The following OLFM1 variants were observed in gnomAD, a reference collection of about 807,000 sequenced individuals.
OLFM1 encodes noelin.
OLFM1 carries 9 observed loss-of-function variants against 49.7 expected under a neutral mutation model. The ratio of observed to expected loss-of-function variants is 0.18; its 90% CI spans 0.11 to 0.32. The LOEUF (loss-of-function observed/expected upper bound fraction) is 0.32. OLFM1 is among the 10% of genes least tolerant of loss of function. The probability of loss-of-function intolerance (pLI) is 1.00; values close to 1 mark genes in which losing one functional copy is unlikely to be tolerated. For missense variants in OLFM1, 369 were observed against 661.8 expected (o/e 0.56, Z 4.85); for synonymous variants, 240 against 271.8 (o/e 0.88, Z 1.15).
At chr9:135,084,560 G>C (rs1830574543), upstream of OLFM1, among the ~76,000 whole-genome samples, 1 of 149,326 alleles carries the variant, frequency 6.7e-6, no homozygotes, top group African/African-American at 2.5e-5. The surrounding 1 kb of genome is among the most constrained non-coding windows in gnomAD (Gnocchi z 4.6). Context: ...TCTCCTCTCT[G>C]TTTCTTTGTC....
rs1036651254 is a variant in OLFM1 at position 135,098,735 on chromosome 9, G to A, written c.676+230G>A. On this transcript the variant is annotated intron_variant, in intron 4 of 5. Transcript: ENST00000371793. The surrounding 1 kb of genome is among the most constrained non-coding windows in gnomAD (Gnocchi z 5.6). ...GTCTTGTGCAGAGGCCACAGACCCCGCTGAGTCGCACATCTGGAAAAAAAT... is the reference window on the plus strand; with the variant it reads ...GTCTTGTGCAGAGGCCACAGACCCCACTGAGTCGCACATCTGGAAAAAAAT... 3.3e-5 allele frequency among the ~76,000 whole-genome samples: 5 copies of A among 152,056 alleles called. No homozygotes were observed. Among genetic ancestry groups the A allele is most frequent in the African/African-American group, 4.8e-5 (2 of 41,390 alleles).
chr9:135,095,814 G>C lies in OLFM1; in HGVS notation c.301-50G>C, dbSNP rs150666902. 9.1e-3 allele frequency: 14,535 copies of C among 1,599,742 alleles called. 109 individuals are homozygous for C. The highest frequency in any genetic ancestry group is 0.024 in the East Asian group (1,073 of 44,734). On this transcript the variant is annotated intron_variant, in intron 2 of 5. Transcript: ENST00000371793. ...TCTGTACGAGCAGGCAGAGAAGATT[G>C]CCTGGCACCTACTGCGGCTGTTTTG... is the stretch of plus-strand genomic sequence containing the variant.
chr9:135,091,611 A>ACACAGTCACACACACT (rs1180500652), intron 2 of OLFM1, among the ~76,000 whole-genome samples: 1 of 142,602 alleles, frequency 7.0e-6, no homozygotes, highest in Admixed American at 6.9e-5. Flanking sequence ...ACACATAGTC[A>ACACAGTCACACACACT]CACAGTCACA....
intron 1 of OLFM1, chr9:135,076,101 C>A: frequency 1.3e-6 from 2 of 1,538,740 alleles, no homozygotes; most frequent in African/African-American, 1.4e-5. Context: ...CAAAGGGCAG[C>A]ACGAGGGGGT....
At position 135,076,289 on chromosome 9, in the gene OLFM1, G is replaced by C. The variant is rs574900887; in HGVS notation, c.96+487G>C. On this transcript the variant is annotated intron_variant, in intron 1 of 5. Coordinates refer to the OLFM1 transcript ENST00000252854. ...GCTCCAGAAACAGGCGGTGGGGATT[G>C]TGCCGCTGAGACCTGGAAGGGCAGC... is the stretch of plus-strand genomic sequence containing the variant. 5.0e-4 allele frequency: 769 copies of C among 1,550,488 alleles called. 19 individuals are homozygous for C. In the South Asian group the frequency reaches 8.3e-3, roughly 17 times the overall value.
intron 2 of OLFM1, among the ~76,000 whole-genome samples, chr9:135,090,808 G>T (rs146402894): frequency 1.3e-5 from 2 of 152,162 alleles, no homozygotes; most frequent in African/African-American, 4.8e-5. Flanking sequence ...TGGATTTTAC[G>T]AGATGAGATC....
chr9:135,086,880 C>T (rs1830603911), upstream of OLFM1, among the ~76,000 whole-genome samples: 2 of 152,158 alleles, frequency 1.3e-5, no homozygotes, highest in Non-Finnish European at 2.9e-5. Flanking sequence ...CCAGTCCCCG[C>T]CCCACACACC....
At position 135,117,769 on chromosome 9, in the gene OLFM1, C is replaced by A. The variant is rs368384802; in HGVS notation, c.784-1735C>A. 6.6e-6 allele frequency among the ~76,000 whole-genome samples: 1 copy of A among 152,190 alleles called. No homozygotes were observed. Among genetic ancestry groups the A allele is most frequent in the African/African-American group, 2.4e-5 (1 of 41,446 alleles). On this transcript the variant is annotated intron_variant, in intron 5 of 5. Transcript: ENST00000371793. The surrounding 1 kb of genome is among the most constrained non-coding windows in gnomAD (Gnocchi z 5.5). Reference sequence around the variant, plus strand: ...AGCAAGCAGAGGGCAGGATTAGGGGCGAATGGCTGCACGTATACGCCTGTG... The same window carrying A: ...AGCAAGCAGAGGGCAGGATTAGGGGAGAATGGCTGCACGTATACGCCTGTG...
At chr9:135,095,223 G>A (rs187738362) in intron 2 of OLFM1, 16 of 152,318 alleles carry the variant, frequency 1.1e-4, no homozygotes, top group African/African-American at 3.6e-4. Flanking sequence ...GAATGTACAT[G>A]TTTGCAGAGC....
Position 135,103,890 on chromosome 9 carries a change from G to GA in OLFM1, c.677-2858dup, listed in dbSNP as rs960195382. 3.5e-4 allele frequency among the ~76,000 whole-genome samples: 53 copies of GA among 152,220 alleles called. 1 individual carries two copies. The highest frequency in any genetic ancestry group is 1.1e-3 in the African/African-American group (44 of 41,454). On this transcript the variant is annotated intron_variant, in intron 4 of 5. Transcript: ENST00000371793. ...TTATTAGCCCATCTATAGAGAAGGA[G>GA]AGGGAGTACACAGCAGCCCCCAGGG...
At chr9:135,107,020 C>G (rs955509622) in intron 5 of OLFM1, among the ~76,000 whole-genome samples, 165 bp downstream of exon 5, 13 of 151,828 alleles carry the variant, frequency 8.6e-5, no homozygotes, top group African/African-American at 2.9e-4. Flanking sequence ...GGGAGGGACC[C>G]AGGCCTCTAT....
upstream of OLFM1, among the ~76,000 whole-genome samples, chr9:135,083,870 G>A (rs73560280): frequency 1.7e-3 from 255 of 152,324 alleles, 1 homozygote; most frequent in African/African-American, 6.0e-3. Flanking sequence ...GCCCTTAGCC[G>A]TTCTCCCTCC....
At chr9:135,092,268 G>C (rs1830726805) in intron 2 of OLFM1, among the ~76,000 whole-genome samples, 1 of 152,172 alleles carries the variant, frequency 6.6e-6, no homozygotes, top group Non-Finnish European at 1.5e-5. Context: ...AGCTCTGACG[G>C]GCCTTGAAAG....
At chr9:135,079,218 G>A (rs1830503693) in intron 1 of OLFM1, among the ~76,000 whole-genome samples, 1 of 152,196 alleles carries the variant, frequency 6.6e-6, no homozygotes, top group South Asian at 2.1e-4. Context: ...CTGGGTAGGA[G>A]TTGGGGAGTG....
intron 2 of OLFM1, among the ~76,000 whole-genome samples, chr9:135,093,801 G>T (rs972320177): frequency 1.3e-5 from 2 of 152,238 alleles, no homozygotes; most frequent in Non-Finnish European, 2.9e-5. Flanking sequence ...GTCCTAGACT[G>T]ACTGTGAGCT....
At chr9:135,105,488 C>T (rs1588216267) in intron 4 of OLFM1, among the ~76,000 whole-genome samples, 1 of 152,358 alleles carries the variant, frequency 6.6e-6, no homozygotes, top group East Asian at 1.9e-4. Context: ...TAACAGGCCA[C>T]TTCCAGTTGG....
chr9:135,114,516 C>T (rs143564303), intron 5 of OLFM1, among the ~76,000 whole-genome samples: 1 of 152,062 alleles, frequency 6.6e-6, no homozygotes, highest in East Asian at 1.9e-4. Context: ...ATTCAGTCTA[C>T]TATAAGAGTG....
chr9:135,119,409 GAGTACTCACTGGATCTTTGGA>G, intron 5 of OLFM1, 74 bp from the exon 6 acceptor site: 1 of 1,049,784 alleles, frequency 9.5e-7, no homozygotes, highest in Non-Finnish European at 1.4e-6. Flanking sequence ...TGGGTCTTTG[GAGTACTCACTGGATCTTTGGA>G]AGTGCTCACT....
At chr9:135,116,145 G>A (rs1831093200) in intron 5 of OLFM1, among the ~76,000 whole-genome samples, 1 of 152,198 alleles carries the variant, frequency 6.6e-6, no homozygotes, top group African/African-American at 2.4e-5. Context: ...TTTCAGATGA[G>A]AACATTGAGG....
Sources: gnomAD v4.1 joint callset for allele counts (sites outside exome capture counted in the v4.1 genomes callset) on GRCh38, gnomAD v4.1.1 for gene constraint, Gnocchi (gnomAD v3.1) non-coding constraint, MANE v1.5 for transcripts, NCBI Gene and HGNC (gene_info 2026-07-23, HGNC 2026-07-21) for gene names.